The following ANKRD33B variants were observed in gnomAD, a reference collection of about 807,000 sequenced individuals.
The protein encoded by ANKRD33B is ankyrin repeat domain-containing protein 33B.
ANKRD33B carries 6 observed loss-of-function variants against 21.5 expected under a neutral mutation model. That is an observed-to-expected ratio of 0.28 (90% confidence interval 0.15 to 0.55). The LOEUF is 0.55. ANKRD33B is among the 20% of genes least tolerant of loss of function. The pLI is 0.94. For synonymous variants in ANKRD33B, 347 were observed against 342.4 expected, an observed-to-expected ratio of 1.01 and a Z score of -0.15; for missense variants, 698 against 747.2, an observed-to-expected ratio of 0.93 and a Z score of 0.77.
In ANKRD33B at chr5:10,592,092, G is replaced by A. The variant is rs967379943; in HGVS notation, c.367-26241G>A. Among the ~76,000 whole-genome samples the A allele has an allele frequency of 2.0e-5, 3 of 151,880 alleles. No homozygotes were observed. In the East Asian group the frequency reaches 5.8e-4, roughly 29 times the overall value. ...TTTTATGGTGTGTGTGTGTGTGTGTGTGTGTGTTTACTGCTCAGTAATCAA... is the reference window on the plus strand; with the variant it reads ...TTTTATGGTGTGTGTGTGTGTGTGTATGTGTGTTTACTGCTCAGTAATCAA... On this transcript the variant is annotated intron_variant, in intron 1 of 3. Transcript: ENST00000296657.
chr5:10,604,190 CTTTTT>C (rs374461177), intron 1 of ANKRD33B, among the ~76,000 whole-genome samples: 3 of 99,370 alleles, frequency 3.0e-5, no homozygotes, highest in South Asian at 3.7e-4. Flanking sequence ...CCGCGCCTGG[CTTTTT>C]TTTTTTTTTT....
chr5:10,641,802 A>T (rs1329108017), intron 3 of ANKRD33B, among the ~76,000 whole-genome samples: 1 of 48,704 alleles, frequency 2.1e-5, no homozygotes, highest in Non-Finnish European at 5.1e-5. Flanking sequence ...TCTTGGAAAT[A>T]AAAAAAAAAA....
chr5:10,596,654 C>T (rs1329916068), intron 1 of ANKRD33B, among the ~76,000 whole-genome samples: 1 of 152,180 alleles, frequency 6.6e-6, no homozygotes, highest in Non-Finnish European at 1.5e-5. Flanking sequence ...CTTCCCCAAC[C>T]TAGTAAGACA....
rs950127134 is a variant in ANKRD33B, at chr5:10,619,792, G to A, written c.496+1330G>A. 6.6e-6 allele frequency among the ~76,000 whole-genome samples: 1 copy of A among 152,224 alleles called. No homozygotes were observed. The highest frequency in any genetic ancestry group is 2.4e-5 in the African/African-American group (1 of 41,462). On this transcript the variant is annotated intron_variant, in intron 2 of 3. Coordinates refer to ENST00000296657, the MANE Select transcript of ANKRD33B (RefSeq NM_001164440.2). This position sits in a 1 kb window ranked among gnomAD's most constrained non-coding sequence, Gnocchi z 4.5. ...TGCCATGTCAGGGACCAAGGATACAGAAGTGCAGGGCAGCCCCGTCCTTGA... is the reference window on the plus strand; with the variant it reads ...TGCCATGTCAGGGACCAAGGATACAAAAGTGCAGGGCAGCCCCGTCCTTGA...
intron 2 of ANKRD33B, among the ~76,000 whole-genome samples, chr5:10,621,837 A>G (rs1489558907): frequency 6.6e-6 from 1 of 152,106 alleles, no homozygotes; most frequent in African/African-American, 2.4e-5. Flanking sequence ...TAAAACCCCA[A>G]CTCCCAATGT....
At chr5:10,623,117 T>C (rs1736460330) in intron 2 of ANKRD33B, among the ~76,000 whole-genome samples, 1 of 152,160 alleles carries the variant, frequency 6.6e-6, no homozygotes, top group Non-Finnish European at 1.5e-5. Context: ...ACCCTTTGCC[T>C]GGTGGGACCT....
chr5:10,578,975 G>A (rs966277770), intron 1 of ANKRD33B, among the ~76,000 whole-genome samples: 1 of 151,970 alleles, frequency 6.6e-6, no homozygotes, highest in African/African-American at 2.4e-5. Flanking sequence ...ACCAGCCTGG[G>A]CAACATGGCG....
At position 10,651,881 on chromosome 5, in the gene ANKRD33B, T is replaced by TAA. The variant is rs1212347032; in HGVS notation, c.*1769_*1770insAA. ...TAATGGGAGATTGGTGTGTTGATGATACAGTGTTTAAGATGAGATTGCAGT... is the reference window on the plus strand; with the variant it reads ...TAATGGGAGATTGGTGTGTTGATGATAAACAGTGTTTAAGATGAGATTGCAGT... On this transcript the variant is annotated 3_prime_UTR_variant, in exon 4 of 4. Coordinates refer to ENST00000296657, the MANE Select transcript of ANKRD33B (RefSeq NM_001164440.2). The TAA allele has an allele frequency of 1.3e-5, 2 of 152,416 alleles. No homozygotes were observed. Among genetic ancestry groups the TAA allele is most frequent in the Admixed American group, 6.5e-5 (1 of 15,286 alleles). The allele number at this position is 152,416 out of a possible 1,614,324, so 9.4% of individuals were successfully genotyped here.
intron 2 of ANKRD33B, among the ~76,000 whole-genome samples, chr5:10,625,735 G>A (rs935804470): frequency 3.9e-5 from 6 of 152,224 alleles, no homozygotes; most frequent in African/African-American, 1.2e-4. Context: ...TGCATGAACC[G>A]TGGTATACTT....
chr5:10,595,077 C>T (rs1560967980), intron 1 of ANKRD33B, among the ~76,000 whole-genome samples: 1 of 152,078 alleles, frequency 6.6e-6, no homozygotes, highest in Non-Finnish European at 1.5e-5. Flanking sequence ...AACATGGATC[C>T]CTATCTCTAG....
rs10078608 is a variant in ANKRD33B, at chr5:10,581,505, C to T, written c.366+16672C>T. Among the ~76,000 whole-genome samples, 743 of 152,290 alleles carry T rather than the reference C, an allele frequency of 4.9e-3. 7 individuals carry two copies. The highest frequency in any genetic ancestry group is 0.017 in the African/African-American group (719 of 41,564). The stretch of plus-strand genomic sequence containing the variant: ...CTTTACACTGCTCATTTTTGGTCTC[C>T]CCTGGATGGTCTGGTTTCCCTTCCT... On this transcript the variant is annotated intron_variant, in intron 1 of 3. Transcript: ENST00000296657.
chr5:10,637,954 C>T lies in ANKRD33B; in HGVS notation c.497-74C>T. 8 of 1,487,540 alleles carry T rather than the reference C, an allele frequency of 5.4e-6. No individual in the cohort carries two copies. The South Asian group carries it at 1.0e-4, about 19-fold the overall frequency. 92.1% of individuals were successfully genotyped at this position (1,487,540 alleles called of 1,614,324 possible). A position where few individuals can be genotyped will look rare whatever the true frequency, so the allele number is the denominator to read the frequency against. ...GCTGACTCAGTGTTTCTTTCTCTCT[C>T]TAGGAAGGCCTGGCTGGAACCAGCA... is the stretch of plus-strand genomic sequence containing the variant. On this transcript the variant is annotated intron_variant, in intron 2 of 3. Transcript: ENST00000296657.
intron 1 of ANKRD33B, among the ~76,000 whole-genome samples, chr5:10,595,961 A>G (rs1735808247): frequency 6.6e-6 from 1 of 152,202 alleles, no homozygotes; most frequent in African/African-American, 2.4e-5. Flanking sequence ...TCCCAGGACA[A>G]AAGTGAAACT....
At chr5:10,609,116 A>C (rs969379769) in intron 1 of ANKRD33B, among the ~76,000 whole-genome samples, 2 of 152,216 alleles carry the variant, frequency 1.3e-5, no homozygotes, top group Non-Finnish European at 2.9e-5. Context: ...TATGTACTAG[A>C]TTCATCCAAA....
At chr5:10,588,585 A>G (rs1461978162) in intron 1 of ANKRD33B, among the ~76,000 whole-genome samples, 1 of 152,216 alleles carries the variant, frequency 6.6e-6, no homozygotes, top group Non-Finnish European at 1.5e-5. Flanking sequence ...ACACTTGGCC[A>G]TGTCACTTGC....
rs371735884 is a variant in ANKRD33B, at chr5:10,619,203, TTC to T, written c.496+743_496+744del. 17 of 637,168 alleles carry T rather than the reference TTC, an allele frequency of 2.7e-5. No homozygotes were observed. In the African/African-American group the frequency reaches 3.0e-4, roughly 11 times the overall value. The allele number at this position is 637,168 out of a possible 1,614,324, so 39.5% of individuals were successfully genotyped here. A position where few individuals can be genotyped will look rare whatever the true frequency, so the allele number is the denominator to read the frequency against. ...TTTCACATTTCTTTGCCTCCAAAGA[TTC>T]TGTCTGTTTCATCGGTCAAGTTCTC... On this transcript the variant is annotated intron_variant, in intron 2 of 3. Transcript: ENST00000296657. The surrounding 1 kb of genome is among the most constrained non-coding windows in gnomAD (Gnocchi z 4.5).
chr5:10,607,399 C>T (rs1043066097), intron 1 of ANKRD33B, among the ~76,000 whole-genome samples: 2 of 152,200 alleles, frequency 1.3e-5, no homozygotes, highest in South Asian at 2.1e-4. Flanking sequence ...CATCGTCCAC[C>T]GTCTCTCGAA....
At chr5:10,638,412 C>T (rs1290612760) in intron 3 of ANKRD33B, among the ~76,000 whole-genome samples, 1 of 152,220 alleles carries the variant, frequency 6.6e-6, no homozygotes. Flanking sequence ...TGGCACCTTC[C>T]CTCACCTGCT....
rs535051419 is a variant in ANKRD33B at position 10,601,042 on chromosome 5, C to T, written c.367-17291C>T. Among the ~76,000 whole-genome samples the T allele has an allele frequency of 1.2e-4, 18 of 152,238 alleles. No homozygotes were observed. In the South Asian group the frequency reaches 3.7e-3, roughly 32 times the overall value. ...CAGAATGTCATGTGGAAGCCACCGC[C>T]CTGACAGCTATGAGTCAGACAGACA... On this transcript the variant is annotated intron_variant, in intron 1 of 3. Coordinates refer to ENST00000296657, the MANE Select transcript of ANKRD33B (RefSeq NM_001164440.2).
Sources: allele counts gnomAD v4.1 joint callset (sites outside exome capture counted in the v4.1 genomes callset), GRCh38; gene constraint gnomAD v4.1.1; non-coding constraint Gnocchi (gnomAD v3.1); transcripts MANE v1.5; gene names NCBI Gene and HGNC (gene_info 2026-07-23, HGNC 2026-07-21).